SNRNP35: variants seen among roughly 807,000 people sequenced by gnomAD.
The protein encoded by SNRNP35 is U11/U12 small nuclear ribonucleoprotein 35 kDa protein.
In SNRNP35, 16 loss-of-function variants were observed where a neutral mutation model predicts 24.3. The ratio of observed to expected loss-of-function variants is 0.66; its 90% CI spans 0.45 to 1.00. The LOEUF (loss-of-function observed/expected upper bound fraction) is 1.00. Among genes scored for constraint, SNRNP35 ranks in the 50% least tolerant of loss-of-function variants. The pLI, the probability that SNRNP35 is intolerant of heterozygous loss-of-function variation, is 0.00. For synonymous variants in SNRNP35, 106 were observed against 124.8 expected, an observed-to-expected ratio of 0.85 and a Z score of 1.00; for missense variants, 292 against 327.2, an observed-to-expected ratio of 0.89 and a Z score of 0.83.
chr12:123,461,418 G>A (rs1880626000), intron 1 of SNRNP35, among the ~76,000 whole-genome samples: 1 of 151,662 alleles, frequency 6.6e-6, no homozygotes, highest in Admixed American at 6.6e-5. Context: ...GAGCCACCGC[G>A]CCCGGCTGCC....
intron 1 of SNRNP35, chr12:123,459,819 G>A: frequency 1.3e-6 from 2 of 1,564,752 alleles, no homozygotes; most frequent in African/African-American, 2.7e-5. Context: ...AATCGAAAGA[G>A]ATTGTTGTAG....
chr12:123,472,800 G>T, exon 2 of SNRNP35: 2 of 1,121,946 alleles, frequency 1.8e-6, no homozygotes, highest in Non-Finnish European at 2.5e-6. Context: ...TCAATTCAAG[G>T]TGTGAAAGAC....
intron 1 of SNRNP35, among the ~76,000 whole-genome samples, chr12:123,458,536 C>G (rs1468121314): frequency 3.3e-5 from 5 of 151,542 alleles, no homozygotes; most frequent in Non-Finnish European, 5.9e-5. Flanking sequence ...TGCGCATGCC[C>G]TGGAGGGCTC....
downstream of SNRNP35, chr12:123,470,907 A>C (rs189317305): frequency 6.6e-6 from 1 of 152,284 alleles, no homozygotes; most frequent in East Asian, 1.9e-4. Context: ...ACCTGCTTCT[A>C]TACTCTTTGA....
At position 123,465,700 on chromosome 12, in the gene SNRNP35, T is replaced by C. The variant is rs1190453274; in HGVS notation, c.160T>C (p.Phe54Leu). The change falls in exon 2 of 2, where the codon TTT becomes CTT. Residue 54 changes from phenylalanine to leucine, a missense_variant. Transcript: ENST00000526639. This position sits in a 1 kb window ranked among gnomAD's most constrained non-coding sequence, Gnocchi z 4.2. ...CATAGGAGATCCCCTCCTCACCCTG[T>C]TTGTGGCCAGACTAAACTTGCAGAC... Reference protein sequence around the residue: ...GVIGDPLLTLFVARLNLQTKE... With the variant: ...GVIGDPLLTLLVARLNLQTKE... 6 of 1,613,854 alleles carry C rather than the reference T, an allele frequency of 3.7e-6. No individual in the cohort carries two copies. Among genetic ancestry groups the C allele is most frequent in the Non-Finnish European group, 5.1e-6 (6 of 1,179,904 alleles).
At chr12:123,462,779 G>A (rs1880707444) in intron 1 of SNRNP35, among the ~76,000 whole-genome samples, 1 of 151,782 alleles carries the variant, frequency 6.6e-6, no homozygotes, top group Non-Finnish European at 1.5e-5. Context: ...GTGTGAGATC[G>A]TGCCCGGCCT....
chr12:123,470,519 T>TAATCCC (rs902079798), downstream of SNRNP35: 13 of 149,684 alleles, frequency 8.7e-5, no homozygotes, highest in African/African-American at 3.0e-4. Flanking sequence ...CTCACACCTG[T>TAATCCC]AATCCCAGCA....
At position 123,472,618 on chromosome 12, in the gene SNRNP35, C is replaced by T. The variant is rs543677202; in HGVS notation, n.1625C>T. ...GTGTTTGCCCACTGTCCAAAGGACT[C>T]CTGGATGTGCACGTTTCTCTGTGTG... On this transcript the variant is annotated non_coding_transcript_exon_variant, in exon 2 of 2. Coordinates refer to the SNRNP35 transcript ENST00000527158. 389 of 1,586,776 alleles carry T rather than the reference C, an allele frequency of 2.5e-4. No homozygotes were observed. The highest frequency in any genetic ancestry group is 3.2e-4 in the Non-Finnish European group (372 of 1,166,412).
downstream of SNRNP35, among the ~76,000 whole-genome samples, chr12:123,467,209 C>T (rs186133301): frequency 2.0e-5 from 3 of 152,276 alleles, no homozygotes; most frequent in East Asian, 5.8e-4. Flanking sequence ...GCCCTAATAC[C>T]AGAAGGCAGT....
Position 123,472,618 on chromosome 12 carries a change from C to A in SNRNP35, n.1625C>A, listed in dbSNP as rs543677202. ...GTGTTTGCCCACTGTCCAAAGGACT[C>A]CTGGATGTGCACGTTTCTCTGTGTG... On this transcript the variant is annotated non_coding_transcript_exon_variant, in exon 2 of 2. Coordinates refer to the SNRNP35 transcript ENST00000527158. 53 of 1,586,896 alleles carry A rather than the reference C, an allele frequency of 3.3e-5. No individual in the cohort carries two copies. In the East Asian group the frequency reaches 1.2e-3, roughly 35 times the overall value.
intron 1 of SNRNP35, among the ~76,000 whole-genome samples, chr12:123,458,480 G>A (rs1202583113): frequency 6.6e-6 from 1 of 152,088 alleles, no homozygotes; most frequent in Non-Finnish European, 1.5e-5. Context: ...GGATGGGAAG[G>A]ATAGGCTTTT....
chr12:123,460,688 G>A (rs1053992147), intron 1 of SNRNP35, among the ~76,000 whole-genome samples: 1 of 150,984 alleles, frequency 6.6e-6, no homozygotes, highest in African/African-American at 2.4e-5. Flanking sequence ...GGGAGAGGCT[G>A]CAGTGAGCCA....
chr12:123,461,722 ATT>A (rs1180729336), intron 1 of SNRNP35, among the ~76,000 whole-genome samples: 18 of 135,250 alleles, frequency 1.3e-4, no homozygotes, highest in Admixed American at 2.2e-4. Flanking sequence ...AAGTTCTATG[ATT>A]TTTTTTTTTT....
chr12:123,460,495 C>A (rs1470252671), intron 1 of SNRNP35, among the ~76,000 whole-genome samples: 1 of 148,164 alleles, frequency 6.7e-6, no homozygotes, highest in African/African-American at 2.5e-5. Context: ...GCTGGGTTCG[C>A]TGGCTCACAT....
chr12:123,467,867 C>A (rs1490705592), downstream of SNRNP35, among the ~76,000 whole-genome samples: 1 of 152,130 alleles, frequency 6.6e-6, no homozygotes, highest in Non-Finnish European at 1.5e-5. Context: ...TTTTTGATTT[C>A]ACTCACATTT....
Position 123,462,519 on chromosome 12 carries a change from T to C in SNRNP35, c.-3-3019T>C, listed in dbSNP as rs7297035. On this transcript the variant is annotated intron_variant, in intron 1 of 1. Coordinates refer to ENST00000526639, the MANE Select transcript of SNRNP35 (RefSeq NM_022717.4). The stretch of plus-strand genomic sequence containing the variant: ...AGAGGTCTTTTTTTTTTTTTTTTTT[T>C]CTTCTGAGATGGAGTCTCGCTCTGT... Among the ~76,000 whole-genome samples, 11 of 143,562 alleles carry C rather than the reference T, an allele frequency of 7.7e-5. No individual in the cohort carries two copies. In the East Asian group the frequency reaches 7.8e-4, roughly 10 times the overall value. The allele number at this position is 143,562 out of a possible 152,430, so 94.2% of individuals were successfully genotyped here.
intron 1 of SNRNP35, among the ~76,000 whole-genome samples, chr12:123,463,789 G>C (rs1348532848): frequency 6.7e-6 from 1 of 149,828 alleles, no homozygotes; most frequent in Non-Finnish European, 1.5e-5. Context: ...TTTTGAGACA[G>C]AGCCTCGCTT....
chr12:123,471,697 C>T (rs147619973), downstream of SNRNP35: 3 of 152,438 alleles, frequency 2.0e-5, no homozygotes, highest in Non-Finnish European at 2.9e-5. Flanking sequence ...TCCCACGCCC[C>T]GCTTTCAGTC....
intron 1 of SNRNP35, chr12:123,459,172 A>G (rs145332185): frequency 0.023 from 3,482 of 151,498 alleles, 71 homozygotes; most frequent in Admixed American, 0.063. Context: ...TTCTGGGCTC[A>G]AGCGATCCTC....
Sources: allele counts gnomAD v4.1 joint callset (sites outside exome capture counted in the v4.1 genomes callset), GRCh38; gene constraint gnomAD v4.1.1; non-coding constraint Gnocchi (gnomAD v3.1); transcripts MANE v1.5; gene names NCBI Gene and HGNC (gene_info 2026-07-23, HGNC 2026-07-21).